ADRA1A: variants seen among roughly 807,000 people sequenced by gnomAD.
The protein encoded by ADRA1A is alpha-1A adrenergic receptor.
In ADRA1A, 31 loss-of-function variants were observed where a neutral mutation model predicts 29.6. The ratio of observed to expected loss-of-function variants is 1.05; its 90% CI spans 0.79 to 1.41. The LOEUF is 1.41. ADRA1A is among the 40% of genes most tolerant of loss of function. The pLI, the probability that ADRA1A is intolerant of heterozygous loss-of-function variation, is 0.00. For missense variants in ADRA1A, 619 were observed against 601.1 expected, an observed-to-expected ratio of 1.03 and a Z score of -0.31; for synonymous variants, 311 against 254.3, an observed-to-expected ratio of 1.22 and a Z score of -2.12.
At chr8:26,834,126 T>A (rs529518905) in intron 2 of ADRA1A, among the ~76,000 whole-genome samples, 1 of 152,228 alleles carries the variant, frequency 6.6e-6, no homozygotes, top group Non-Finnish European at 1.5e-5. Flanking sequence ...GTAATTAGAA[T>A]GTAAATATTC....
At chr8:26,816,382 G>T (rs1264731606) in intron 2 of ADRA1A, among the ~76,000 whole-genome samples, 1 of 152,224 alleles carries the variant, frequency 6.6e-6, no homozygotes, top group Non-Finnish European at 1.5e-5. Context: ...ACCCAAGGAT[G>T]CAGTGCCTGC....
At chr8:26,765,973 G>C, downstream of ADRA1A, 1 of 968,336 alleles carries the variant, frequency 1.0e-6, no homozygotes. Context: ...AGGAACAAGC[G>C]ATGTCACATA....
rs1806023363 is a variant in ADRA1A at position 26,770,102 on chromosome 8, G to A, written c.*47C>T. 1.3e-6 allele frequency: 2 copies of A among 1,515,274 alleles called. No individual in the cohort carries two copies. The highest frequency in any genetic ancestry group is 1.8e-6 in the Non-Finnish European group (2 of 1,132,884). 93.9% of individuals were successfully genotyped at this position (1,515,274 alleles called of 1,614,324 possible). The stretch of plus-strand genomic sequence containing the variant: ...GAGCTGGCCTTCCGAGAAGGAAGTG[G>A]GGTGGGTACCTAAGATTATTCCCCT... On this transcript the variant is annotated 3_prime_UTR_variant, in exon 3 of 3. Transcript: ENST00000380573.
chr8:26,858,250 G>A (rs1261493184), intron 2 of ADRA1A, among the ~76,000 whole-genome samples: 1 of 152,180 alleles, frequency 6.6e-6, no homozygotes, highest in Non-Finnish European at 1.5e-5. Context: ...ATAACGCTGG[G>A]TTTTGTGTTT....
chr8:26,796,189 T>A lies in ADRA1A; in HGVS notation c.884-25523A>T, dbSNP rs6557950. Among the ~76,000 whole-genome samples the A allele has an allele frequency of 1.3e-5, 2 of 151,920 alleles. No homozygotes were observed. The highest frequency in any genetic ancestry group is 2.4e-5 in the African/African-American group (1 of 41,372). On this transcript the variant is annotated intron_variant, in intron 2 of 2. Transcript: ENST00000380573. This position sits in a 1 kb window ranked among gnomAD's most constrained non-coding sequence, Gnocchi z 5.0. Reference sequence around the variant, plus strand: ...AATCTGAATAAAATAAAACTGCCTATGAATTAGTTTACAATTATTAAAATT... The same window carrying A: ...AATCTGAATAAAATAAAACTGCCTAAGAATTAGTTTACAATTATTAAAATT...
At chr8:26,799,079 T>G (rs942010359) in intron 2 of ADRA1A, among the ~76,000 whole-genome samples, 3 of 152,198 alleles carry the variant, frequency 2.0e-5, no homozygotes, top group African/African-American at 7.2e-5. Flanking sequence ...AGATTGCATT[T>G]GTTTATTTAA....
At chr8:26,771,107 C>G (rs1449907216) in intron 2 of ADRA1A, among the ~76,000 whole-genome samples, 3 of 152,360 alleles carry the variant, frequency 2.0e-5, no homozygotes, top group Non-Finnish European at 2.9e-5. Flanking sequence ...GCAACAGACA[C>G]AGCCTCAGTG....
intron 2 of ADRA1A, among the ~76,000 whole-genome samples, chr8:26,782,527 C>T (rs1023371244): frequency 6.6e-6 from 1 of 152,170 alleles, no homozygotes; most frequent in Admixed American, 6.5e-5. Context: ...ATGCCTTCCT[C>T]TTTCATATAA....
chr8:26,866,743 A>C lies in ADRA1A; in HGVS notation c.-687+193T>G, dbSNP rs995311730. 6.6e-6 allele frequency among the ~76,000 whole-genome samples: 1 copy of C among 152,218 alleles called. No homozygotes were observed. The highest frequency in any genetic ancestry group is 2.4e-5 in the African/African-American group (1 of 41,458). ...GAGGGTGATAAACACAGGGTTAAAAAGACACTTGTTCAGTAGAAGGCAACT... is the reference window on the plus strand; with the variant it reads ...GAGGGTGATAAACACAGGGTTAAAACGACACTTGTTCAGTAGAAGGCAACT... On this transcript the variant is annotated intron_variant, in intron 1 of 2. Transcript: ENST00000380573. The surrounding 1 kb of genome is among the most constrained non-coding windows in gnomAD (Gnocchi z 5.7).
Position 26,785,969 on chromosome 8 carries a change from C to G in ADRA1A, c.884-15303G>C, listed in dbSNP as rs531231820. Among the ~76,000 whole-genome samples the G allele has an allele frequency of 3.3e-5, 5 of 152,300 alleles. No homozygotes were observed. In the East Asian group the frequency reaches 9.7e-4, roughly 29 times the overall value. On this transcript the variant is annotated intron_variant, in intron 2 of 2. Transcript: ENST00000380573. ...CCCTACTCAGCCACAACACCTGTCA[C>G]CTGTAAGTGCCTTCTTGTTGATCTC...
chr8:26,757,527 C>T (rs1171411942), intron 2 of ADRA1A, among the ~76,000 whole-genome samples: 1 of 151,666 alleles, frequency 6.6e-6, no homozygotes, highest in East Asian at 2.0e-4. Context: ...CACCCCCCAC[C>T]TCTGCTCCAT....
At chr8:26,754,620 C>G (rs960776300), downstream of ADRA1A, among the ~76,000 whole-genome samples, 2 of 152,072 alleles carry the variant, frequency 1.3e-5, no homozygotes, top group Non-Finnish European at 2.9e-5. Flanking sequence ...AACAAGGAGA[C>G]AAGCAGAAAC....
At chr8:26,783,206 G>C (rs1162161505) in intron 2 of ADRA1A, among the ~76,000 whole-genome samples, 1 of 152,194 alleles carries the variant, frequency 6.6e-6, no homozygotes, top group Non-Finnish European at 1.5e-5. Context: ...GATGAAGTAT[G>C]AGTTATATAT....
chr8:26,804,209 T>C (rs1463112656), intron 2 of ADRA1A, among the ~76,000 whole-genome samples: 3 of 152,068 alleles, frequency 2.0e-5, no homozygotes, highest in African/African-American at 7.2e-5. Flanking sequence ...GAATAAGCCA[T>C]GAATTTCTTG....
intron 2 of ADRA1A, among the ~76,000 whole-genome samples, chr8:26,855,936 A>G (rs1393462535): frequency 6.6e-6 from 1 of 152,218 alleles, no homozygotes. Context: ...AGAACACAGC[A>G]ATGACTTTGT....
chr8:26,863,593 G>T (rs1813640341), intron 2 of ADRA1A, among the ~76,000 whole-genome samples: 1 of 151,996 alleles, frequency 6.6e-6, no homozygotes, highest in African/African-American at 2.4e-5. Flanking sequence ...AACATAAACA[G>T]ACCATTATAA....
chr8:26,850,862 T>G (rs1466954471), intron 2 of ADRA1A, among the ~76,000 whole-genome samples: 1 of 152,190 alleles, frequency 6.6e-6, no homozygotes, highest in East Asian at 1.9e-4. Context: ...ATAAATATTT[T>G]AAACTTTGTG....
Position 26,864,223 on chromosome 8 carries a change from G to A in ADRA1A, c.747C>T (p.Ala249=). Residue 249 remains alanine, a synonymous_variant, in exon 2 of 3, where the codon GCC becomes GCT. Coordinates refer to ENST00000380573, the MANE Select transcript of ADRA1A (RefSeq NM_000680.4). The surrounding 1 kb of genome is among the most constrained non-coding windows in gnomAD (Gnocchi z 8.1). ...AGAAGTGCGTCTTGGTCTTGGCGCTGGCCATCCCGCTGCCTCCTGCCGGGG... is the reference window on the plus strand; with the variant it reads ...AGAAGTGCGTCTTGGTCTTGGCGCTAGCCATCCCGCTGCCTCCTGCCGGGG... ...KNAPAGGSGM[A]SAKTKTHFSV... 6.2e-7 allele frequency: 1 copy of A among 1,614,190 alleles called. No homozygotes were observed. Among genetic ancestry groups the A allele is most frequent in the Non-Finnish European group, 8.5e-7 (1 of 1,180,048 alleles).
At chr8:26,788,431 G>T (rs2130402548) in intron 2 of ADRA1A, among the ~76,000 whole-genome samples, 1 of 152,144 alleles carries the variant, frequency 6.6e-6, no homozygotes. Context: ...CATAATTTTT[G>T]AAAAAGAGTT....
Sources: allele counts gnomAD v4.1 joint callset (sites outside exome capture counted in the v4.1 genomes callset), GRCh38; gene constraint gnomAD v4.1.1; non-coding constraint Gnocchi (gnomAD v3.1); transcripts MANE v1.5; gene names NCBI Gene and HGNC (gene_info 2026-07-23, HGNC 2026-07-21).